FNDC3B: variants seen among roughly 807,000 people sequenced by gnomAD.
FNDC3B encodes the protein fibronectin type III domain-containing protein 3B.
FNDC3B carries 12 observed loss-of-function variants against 151.5 expected under a neutral mutation model. The observed-to-expected ratio is 0.08, with a 90% CI of 0.05 to 0.13. The LOEUF is 0.13. Ranked by LOEUF, FNDC3B falls within the 10% of genes least tolerant of loss-of-function variation. FNDC3B has a pLI of 1.00. For synonymous variants in FNDC3B, 528 were observed against 549.0 expected, an observed-to-expected ratio of 0.96 and a Z score of 0.54; for missense variants, 1,214 against 1,505.3, an observed-to-expected ratio of 0.81 and a Z score of 3.20.
chr3:172,173,994 G>A (rs1723418763), intron 3 of FNDC3B, among the ~76,000 whole-genome samples: 1 of 152,192 alleles, frequency 6.6e-6, no homozygotes, highest in Non-Finnish European at 1.5e-5. Flanking sequence ...GAGTTCGTCA[G>A]CGAACTGAGA....
At position 172,292,560 on chromosome 3, in the gene FNDC3B, T is replaced by C. The variant is rs550438592; in HGVS notation, c.850-2803T>C. On this transcript the variant is annotated intron_variant, in intron 7 of 25. Transcript: ENST00000415807. ...TGACTTCATGGATATTTGTTTGGTA[T>C]CTAGAACGTTGGCATTTGACTGAGC... Among the ~76,000 whole-genome samples the C allele has an allele frequency of 2.1e-4, 32 of 152,344 alleles. 1 individual carries two copies. The highest frequency in any genetic ancestry group is 7.0e-4 in the African/African-American group (29 of 41,584).
chr3:172,104,884 G>A (rs2108528081), intron 1 of FNDC3B, among the ~76,000 whole-genome samples: 1 of 152,232 alleles, frequency 6.6e-6, no homozygotes, highest in African/African-American at 2.4e-5. Flanking sequence ...ATTATCAAAA[G>A]CAGTTTCTGG....
chr3:172,359,562 C>T (rs371493815), intron 22 of FNDC3B, among the ~76,000 whole-genome samples: 9 of 152,254 alleles, frequency 5.9e-5, no homozygotes, highest in Admixed American at 2.6e-4. Context: ...ACTTAATGTC[C>T]GGCTTAATTT....
Position 172,123,173 on chromosome 3 carries a change from G to A in FNDC3B, c.112-10298G>A, listed in dbSNP as rs553933605. Among the ~76,000 whole-genome samples, 248 of 152,174 alleles carry A rather than the reference G, an allele frequency of 1.6e-3. 3 individuals carry two copies. The highest frequency in any genetic ancestry group is 5.7e-3 in the African/African-American group (238 of 41,502). On this transcript the variant is annotated intron_variant, in intron 2 of 25. Coordinates refer to ENST00000415807, the MANE Select transcript of FNDC3B (RefSeq NM_022763.4). ...CTCACCTCAGCCTCCTGAGTAGCTG[G>A]GACTATAGGCATGCACCAGCATGGC...
At chr3:172,168,782 G>A (rs942907842) in intron 3 of FNDC3B, among the ~76,000 whole-genome samples, 4 of 145,348 alleles carry the variant, frequency 2.8e-5, no homozygotes, top group South Asian at 2.2e-4. Flanking sequence ...GCGCGATCTC[G>A]GCTCACTGCA....
At chr3:172,273,247 C>T (rs916687089) in intron 6 of FNDC3B, among the ~76,000 whole-genome samples, 5 of 152,184 alleles carry the variant, frequency 3.3e-5, no homozygotes, top group African/African-American at 1.2e-4. Context: ...ACAATGAAGA[C>T]TGGTTCACAG....
intron 3 of FNDC3B, among the ~76,000 whole-genome samples, chr3:172,202,875 G>T (rs1451360615): frequency 6.6e-6 from 1 of 152,150 alleles, no homozygotes; most frequent in Non-Finnish European, 1.5e-5. Context: ...TTTGCTGCGG[G>T]TGTGGCACAC....
chr3:172,259,244 CT>C (rs984782817), intron 6 of FNDC3B, among the ~76,000 whole-genome samples: 2 of 152,146 alleles, frequency 1.3e-5, no homozygotes, highest in Admixed American at 1.3e-4. Context: ...GCCCAAATAA[CT>C]TTTATTTTTT....
intron 2 of FNDC3B, among the ~76,000 whole-genome samples, chr3:172,114,388 G>A (rs1354398155): frequency 6.6e-6 from 1 of 152,148 alleles, no homozygotes; most frequent in Non-Finnish European, 1.5e-5. Context: ...TCTCTCAGAT[G>A]TGGTCACCTC....
intron 3 of FNDC3B, among the ~76,000 whole-genome samples, chr3:172,171,616 TTTG>T (rs754949448): frequency 0.019 from 2,314 of 123,828 alleles, 27 homozygotes; most frequent in South Asian, 0.059. Flanking sequence ...TTTTTTTTTT[TTTG>T]GAAAGTGCAG....
intron 11 of FNDC3B, among the ~76,000 whole-genome samples, chr3:172,327,134 A>G (rs891676961): frequency 2.0e-5 from 3 of 152,228 alleles, no homozygotes; most frequent in African/African-American, 7.2e-5. Context: ...TCAAGGTTGA[A>G]GTAAGCATAG....
At chr3:172,168,363 T>G (rs1229339149) in intron 3 of FNDC3B, among the ~76,000 whole-genome samples, 3 of 152,192 alleles carry the variant, frequency 2.0e-5, no homozygotes, top group Admixed American at 6.5e-5. Flanking sequence ...ATTCCTGCTA[T>G]TTTGAAGTTG....
chr3:172,347,306 C>T lies in FNDC3B; in HGVS notation c.2459C>T (p.Thr820Ile). The change falls in exon 21 of 26, where the codon ACC becomes ATC. Residue 820 changes from threonine (T) to isoleucine (I), a missense_variant. By Grantham distance (89) the Thr-to-Ile change is moderately conservative (BLOSUM62 -1). Coordinates refer to ENST00000415807, the MANE Select transcript of FNDC3B (RefSeq NM_022763.4). ...GAACTCATTTATCATGGGACAGACA[C>T]CCGTTTTGAAATAAGAGACCTGTTG... is the stretch of plus-strand genomic sequence containing the variant. ...SLELIYHGTD[T>I]RFEIRDLLPA... 6.2e-7 allele frequency: 1 copy of T among 1,613,924 alleles called. No individual in the cohort carries two copies. Among genetic ancestry groups the T allele is most frequent in the Non-Finnish European group, 8.5e-7 (1 of 1,179,914 alleles).
chr3:172,050,765 T>G lies in FNDC3B; in HGVS notation c.-29+10994T>G, dbSNP rs114932144. 8.5e-3 allele frequency among the ~76,000 whole-genome samples: 1,296 copies of G among 151,716 alleles called. 23 individuals carry two copies. The highest frequency in any genetic ancestry group is 0.03 in the African/African-American group (1,244 of 41,294). On this transcript the variant is annotated intron_variant, in intron 1 of 25. Transcript: ENST00000415807. ...GTGTATATATACTATATATACTCTT[T>G]ATATAGTGTGTGTGTATATATATTG...
intron 3 of FNDC3B, among the ~76,000 whole-genome samples, chr3:172,177,693 T>C (rs959174489): frequency 4.0e-5 from 6 of 150,058 alleles, no homozygotes; most frequent in Middle Eastern, 3.4e-3. Context: ...TTCTTTTCTT[T>C]TATAAAATTT....
chr3:172,259,049 T>C (rs770636801), intron 6 of FNDC3B, among the ~76,000 whole-genome samples: 1 of 152,220 alleles, frequency 6.6e-6, no homozygotes, highest in Non-Finnish European at 1.5e-5. Flanking sequence ...AATATTGCTT[T>C]ATCTCTCAAG....
intron 1 of FNDC3B, among the ~76,000 whole-genome samples, chr3:172,088,424 A>G (rs1559960410): frequency 6.6e-6 from 1 of 152,238 alleles, no homozygotes. Context: ...CCTCAGTATC[A>G]TGTGGGTTTC....
intron 11 of FNDC3B, among the ~76,000 whole-genome samples, chr3:172,322,212 A>G (rs1284718255): frequency 6.6e-6 from 1 of 152,170 alleles, no homozygotes; most frequent in Non-Finnish European, 1.5e-5. Context: ...GGACTGGAAT[A>G]ATCTTCTGGC....
chr3:172,145,685 G>A (rs549152558), intron 3 of FNDC3B, among the ~76,000 whole-genome samples: 2 of 152,282 alleles, frequency 1.3e-5, no homozygotes, highest in South Asian at 2.1e-4. Flanking sequence ...GACGTAACTC[G>A]GTCACAGGTT....
Sources: gnomAD v4.1 joint callset for allele counts (sites outside exome capture counted in the v4.1 genomes callset) on GRCh38, gnomAD v4.1.1 for gene constraint, MANE v1.5 for transcripts, NCBI Gene and HGNC (gene_info 2026-07-23, HGNC 2026-07-21) for gene names.